MYPN: variants seen among roughly 807,000 people sequenced by gnomAD.
MYPN encodes sarcomeric protein myopalladin, 145 kDa (MYOP).
MYPN carries 63 observed loss-of-function variants against 129.4 expected under a neutral mutation model. The observed-to-expected ratio is 0.49, with a 90% CI of 0.40 to 0.60. The LOEUF (loss-of-function observed/expected upper bound fraction) is 0.60, where lower values mean the gene tolerates loss of function less well. Ranked by LOEUF, MYPN falls within the 20% of genes least tolerant of loss-of-function variation. MYPN has a pLI of 0.00. For missense variants in MYPN, 1,596 were observed against 1,635.4 expected, an observed-to-expected ratio of 0.98 and a Z score of 0.42; for synonymous variants, 629 against 600.9, an observed-to-expected ratio of 1.05 and a Z score of -0.68.
At chr10:68,089,941 T>C (rs1322996645) in intron 1 of MYPN, among the ~76,000 whole-genome samples, 2 of 152,176 alleles carry the variant, frequency 1.3e-5, no homozygotes, top group Admixed American at 1.3e-4. Flanking sequence ...AGGGTATCAT[T>C]AGAGAACTTA....
chr10:68,200,844 T>C (rs1237329668), intron 17 of MYPN, among the ~76,000 whole-genome samples: 1 of 152,216 alleles, frequency 6.6e-6, no homozygotes, highest in Non-Finnish European at 1.5e-5. Flanking sequence ...GTATATCTTT[T>C]TCCTTCCCTC....
At chr10:68,092,430 G>C (rs2041935384) in intron 1 of MYPN, among the ~76,000 whole-genome samples, 1 of 152,026 alleles carries the variant, frequency 6.6e-6, no homozygotes, top group East Asian at 1.9e-4. Context: ...GGGAGGTGGA[G>C]GTTGCAGTGA....
intron 18 of MYPN, among the ~76,000 whole-genome samples, chr10:68,202,736 G>A (rs760455916): frequency 2.6e-5 from 4 of 152,134 alleles, no homozygotes; most frequent in Non-Finnish European, 5.9e-5. Context: ...AGTAAAGGTA[G>A]CTTCTGTACA....
At chr10:68,111,317 A>T (rs572586740) in intron 1 of MYPN, among the ~76,000 whole-genome samples, 6 of 152,348 alleles carry the variant, frequency 3.9e-5, no homozygotes, top group South Asian at 2.1e-4. Flanking sequence ...TAGTTCCTAC[A>T]CGTAATAGGA....
intron 1 of MYPN, among the ~76,000 whole-genome samples, chr10:68,093,323 G>A (rs190598684): frequency 8.9e-4 from 136 of 152,192 alleles, no homozygotes; most frequent in African/African-American, 3.2e-3. Flanking sequence ...CAAAACCATG[G>A]CTCTAAAAAT....
At chr10:68,110,275 G>A (rs536784512) in intron 1 of MYPN, among the ~76,000 whole-genome samples, 17 of 150,616 alleles carry the variant, frequency 1.1e-4, no homozygotes, top group Middle Eastern at 3.5e-3. Context: ...CTCTCTCTCC[G>A]TCTCTTTCTC....
chr10:68,135,726 G>A (rs2042476779), intron 2 of MYPN, among the ~76,000 whole-genome samples: 1 of 152,152 alleles, frequency 6.6e-6, no homozygotes, highest in African/African-American at 2.4e-5. Flanking sequence ...CAACAAATAT[G>A]TTTTGAGCAG....
chr10:68,143,093 T>G lies in MYPN; in HGVS notation c.1056T>G (p.Thr352=). ...FASNIYGTDS[T]SAEIYIEGVS... is the part of the protein sequence containing the mutation. ...CTAACATCTATGGGACAGATTCGAC[T>G]TCTGCTGAGATTTATATAGAAGGTA... Residue 352 remains threonine, a synonymous_variant, in exon 3 of 20, where the codon ACT becomes ACG. Transcript: ENST00000358913. The G allele has an allele frequency of 6.2e-7, 1 of 1,614,124 alleles. No individual in the cohort carries two copies. The highest frequency in any genetic ancestry group is 8.5e-7 in the Non-Finnish European group (1 of 1,179,998).
At chr10:68,123,831 A>G (rs2042287688) in intron 2 of MYPN, among the ~76,000 whole-genome samples, 1 of 152,226 alleles carries the variant, frequency 6.6e-6, no homozygotes, top group South Asian at 2.1e-4. Flanking sequence ...GCTACAATTT[A>G]TAGCCTAAAA....
At chr10:68,195,060 A>G (rs976337890) in intron 14 of MYPN, among the ~76,000 whole-genome samples, 1 of 152,246 alleles carries the variant, frequency 6.6e-6, no homozygotes, top group Admixed American at 6.5e-5. Flanking sequence ...TACTATTTGA[A>G]TAGGAAGTAC....
intron 17 of MYPN, among the ~76,000 whole-genome samples, chr10:68,200,345 A>G (rs1280401977): frequency 1.3e-5 from 2 of 152,206 alleles, no homozygotes; most frequent in Non-Finnish European, 2.9e-5. Context: ...GAAACACTGT[A>G]ATGCCTATAC....
rs2043210119 is a variant in MYPN at position 68,175,315 on chromosome 10, T to C, written c.2565-8T>C. ...CATGGGTGTGTCAGGTGTGGATTTA[T>C]CTTACAGGCCATCCCAGGGATTAGC... On this transcript the variant is annotated splice_polypyrimidine_tract_variant and splice_region_variant and intron_variant, in intron 11 of 19. Transcript: ENST00000358913. 1 of 1,613,886 alleles carries C rather than the reference T, an allele frequency of 6.2e-7. No individual in the cohort carries two copies. Among genetic ancestry groups the C allele is most frequent in the African/African-American group, 1.3e-5 (1 of 74,910 alleles).
chr10:68,109,421 C>T (rs1399940389), upstream of MYPN: 1 of 437,604 alleles, frequency 2.3e-6, no homozygotes, highest in South Asian at 1.6e-5. Flanking sequence ...CAGTTTTCTC[C>T]TGTCCAATCA....
chr10:68,139,351 G>T (rs932296485), intron 2 of MYPN, among the ~76,000 whole-genome samples: 1 of 152,108 alleles, frequency 6.6e-6, no homozygotes, highest in African/African-American at 2.4e-5. Context: ...TGGGCACTTG[G>T]TTTCCACATT....
At chr10:68,155,476 T>A (rs2042856679) in intron 6 of MYPN, among the ~76,000 whole-genome samples, 1 of 152,198 alleles carries the variant, frequency 6.6e-6, no homozygotes, top group Admixed American at 6.5e-5. Context: ...TTATAGTGAC[T>A]TTAGCCCAGA....
upstream of MYPN, chr10:68,109,376 C>T (rs2042050387): frequency 1.1e-5 from 4 of 368,538 alleles, no homozygotes; most frequent in South Asian, 8.4e-5. Flanking sequence ...ACCCCCACCC[C>T]CATAGGTGCT....
At chr10:68,121,032 A>T (rs546727566) in intron 1 of MYPN, among the ~76,000 whole-genome samples, 1 of 152,296 alleles carries the variant, frequency 6.6e-6, no homozygotes, top group African/African-American at 2.4e-5. Context: ...TAATCCCAGC[A>T]CTTTGGAAGG....
chr10:68,195,333 C>G, intron 14 of MYPN, 117 bp from the exon 15 acceptor site: 1 of 812,962 alleles, frequency 1.2e-6, no homozygotes, highest in East Asian at 2.5e-5. Context: ...TTCTCTCCCC[C>G]AAAGAAAAAC....
intron 15 of MYPN, among the ~76,000 whole-genome samples, chr10:68,196,350 C>T (rs923745387): frequency 6.6e-6 from 1 of 152,134 alleles, no homozygotes; most frequent in African/African-American, 2.4e-5. Flanking sequence ...TCTTACGGTG[C>T]CACGAAGTCT....
Sources: gnomAD v4.1 joint callset for allele counts (sites outside exome capture counted in the v4.1 genomes callset) on GRCh38, gnomAD v4.1.1 for gene constraint, MANE v1.5 for transcripts, NCBI Gene and HGNC (gene_info 2026-07-23, HGNC 2026-07-21) for gene names.